The following EEA1 variants were observed in gnomAD, a reference collection of about 807,000 sequenced individuals.
EEA1 encodes the protein early endosome antigen 1, 162kD.
A neutral mutation model predicts 209.2 loss-of-function variants in EEA1; 111 were observed. The observed-to-expected ratio is 0.53, with a 90% CI of 0.45 to 0.62. The LOEUF is 0.62. EEA1 is among the 20% of genes least tolerant of loss of function. The probability of loss-of-function intolerance (pLI) is 0.00; values close to 1 mark genes in which losing one functional copy is unlikely to be tolerated. For synonymous variants in EEA1, 536 were observed against 540.6 expected, an observed-to-expected ratio of 0.99 and a Z score of 0.12; for missense variants, 1,343 against 1,530.8, an observed-to-expected ratio of 0.88 and a Z score of 2.05.
intron 2 of EEA1, among the ~76,000 whole-genome samples, chr12:92,869,545 A>G (rs1878538953): frequency 6.6e-6 from 1 of 151,430 alleles, no homozygotes; most frequent in South Asian, 2.1e-4. Flanking sequence ...GGAGTTCTAG[A>G]CTACCCTAGC....
Position 92,887,179 on chromosome 12 carries a change from A to G in EEA1, c.117+4450T>C, listed in dbSNP as rs187070458. 5.3e-4 allele frequency among the ~76,000 whole-genome samples: 81 copies of G among 152,146 alleles called. 1 individual carries two copies. Among genetic ancestry groups the G allele is most frequent in the African/African-American group, 1.8e-3 (76 of 41,518 alleles). On this transcript the variant is annotated intron_variant, in intron 2 of 28. Coordinates refer to ENST00000322349, the MANE Select transcript of EEA1 (RefSeq NM_003566.4). ...TTTTTAATCCAAAATGAAAAACAAAAAAAAAGGATATAAAATATAAAACAG... is the reference window on the plus strand; with the variant it reads ...TTTTTAATCCAAAATGAAAAACAAAGAAAAAGGATATAAAATATAAAACAG...
rs116679364 is a variant in EEA1, at chr12:92,880,418, C to T, written c.117+11211G>A. 3.6e-3 allele frequency among the ~76,000 whole-genome samples: 550 copies of T among 152,302 alleles called. 2 individuals carry two copies. The highest frequency in any genetic ancestry group is 0.013 in the African/African-American group (528 of 41,570). On this transcript the variant is annotated intron_variant, in intron 2 of 28. Transcript: ENST00000322349. ...CTCACAGGAGCAAGCGATTCTCCTG[C>T]CTCAACCTTTCAAGTAGCTGGGATT...
intron 10 of EEA1, among the ~76,000 whole-genome samples, chr12:92,835,124 G>T (rs865880494): frequency 6.6e-6 from 1 of 151,712 alleles, no homozygotes; most frequent in African/African-American, 2.4e-5. Flanking sequence ...CTCATGATCC[G>T]CCCACCTCGG....
intron 2 of EEA1, among the ~76,000 whole-genome samples, chr12:92,889,132 A>C (rs1162260084): frequency 6.6e-6 from 1 of 151,968 alleles, no homozygotes; most frequent in Non-Finnish European, 1.5e-5. Flanking sequence ...AAGGCAACAA[A>C]GCAAGACTCT....
At chr12:92,786,604 T>G (rs962660469) in intron 22 of EEA1, among the ~76,000 whole-genome samples, 1 of 152,136 alleles carries the variant, frequency 6.6e-6, no homozygotes, top group African/African-American at 2.4e-5. Flanking sequence ...TTTCATCCTC[T>G]TTAATGTTCA....
chr12:92,866,000 C>T (rs572778875), intron 2 of EEA1, among the ~76,000 whole-genome samples: 3 of 151,618 alleles, frequency 2.0e-5, no homozygotes, highest in South Asian at 2.1e-4. Flanking sequence ...CCACCCGCCT[C>T]GGCCTCCCAA....
intron 21 of EEA1, among the ~76,000 whole-genome samples, chr12:92,789,316 A>G (rs1255514400): frequency 6.6e-6 from 1 of 151,186 alleles, no homozygotes; most frequent in Admixed American, 6.6e-5. Flanking sequence ...AAGAAAAGAA[A>G]AAGAGAAAGA....
intron 18 of EEA1, among the ~76,000 whole-genome samples, chr12:92,808,167 G>A (rs1383051593): frequency 2.6e-5 from 4 of 151,958 alleles, no homozygotes; most frequent in Non-Finnish European, 5.9e-5. Context: ...CCATGATACT[G>A]GTGTCAGGAT....
At chr12:92,785,205 CAA>C (rs2136653064) in intron 22 of EEA1, among the ~76,000 whole-genome samples, 2 of 152,204 alleles carry the variant, frequency 1.3e-5, no homozygotes, top group African/African-American at 4.8e-5. Context: ...TCCTGGACAA[CAA>C]AGAGTGGTGT....
chr12:92,872,176 G>A (rs1878685012), intron 2 of EEA1, among the ~76,000 whole-genome samples: 1 of 151,720 alleles, frequency 6.6e-6, no homozygotes, highest in African/African-American at 2.4e-5. Flanking sequence ...GGCCTCCTGA[G>A]TAGCTGAGAC....
At chr12:92,802,831 A>C in intron 18 of EEA1, 97 bp from the exon 19 acceptor site, 1 of 986,656 alleles carries the variant, frequency 1.0e-6, no homozygotes, top group Non-Finnish European at 1.4e-6. Flanking sequence ...GAGTTCTGAA[A>C]CTTTTTTGTA....
Position 92,864,626 on chromosome 12 carries a change from A to G in EEA1, c.245+234T>C, listed in dbSNP as rs552897398. ...TTTAATCTTCTTTTGCTAACTCACA[A>G]TCTTCATTAAAAACATAACCTATGT... On this transcript the variant is annotated intron_variant, in intron 3 of 28. Coordinates refer to ENST00000322349, the MANE Select transcript of EEA1 (RefSeq NM_003566.4). Among the ~76,000 whole-genome samples the G allele has an allele frequency of 2.6e-4, 39 of 152,288 alleles. 2 individuals are homozygous for G. The highest frequency in any genetic ancestry group is 2.3e-3 in the Admixed American group (35 of 15,290).
chr12:92,899,709 T>C (rs1880071666), intron 1 of EEA1, among the ~76,000 whole-genome samples: 1 of 152,230 alleles, frequency 6.6e-6, no homozygotes, highest in Non-Finnish European at 1.5e-5. Flanking sequence ...CAAAAGGTGT[T>C]GGAAGAATTA....
intron 9 of EEA1, among the ~76,000 whole-genome samples, chr12:92,844,022 C>T (rs575137176): frequency 3.9e-5 from 6 of 152,102 alleles, no homozygotes; most frequent in Admixed American, 3.3e-4. Flanking sequence ...GGCTTTGATT[C>T]TAAGTTTTGG....
intron 9 of EEA1, 43 bp from the exon 10 acceptor site, chr12:92,842,624 G>A (rs780630153): frequency 1.6e-5 from 19 of 1,169,928 alleles, no homozygotes; most frequent in African/African-American, 7.9e-5. Context: ...AAACTAAATT[G>A]TCTAAAAGAT....
chr12:92,793,830 A>T (rs966824245), intron 21 of EEA1, among the ~76,000 whole-genome samples: 1 of 152,006 alleles, frequency 6.6e-6, no homozygotes, highest in African/African-American at 2.4e-5. Flanking sequence ...CAAGGACTTC[A>T]TGACTAAAAC....
chr12:92,795,668 A>G (rs1429502598), intron 21 of EEA1, among the ~76,000 whole-genome samples: 2 of 152,226 alleles, frequency 1.3e-5, no homozygotes, highest in African/African-American at 4.8e-5. Flanking sequence ...CTAACTGCCT[A>G]TCGGGGAGCA....
intron 2 of EEA1, among the ~76,000 whole-genome samples, chr12:92,872,750 C>T (rs1878710628): frequency 6.6e-6 from 1 of 152,016 alleles, no homozygotes; most frequent in Admixed American, 6.5e-5. Flanking sequence ...GTCAGGAGTT[C>T]GAGACCAGTC....
At chr12:92,888,666 C>T (rs1244327938) in intron 2 of EEA1, among the ~76,000 whole-genome samples, 1 of 149,352 alleles carries the variant, frequency 6.7e-6, no homozygotes, top group African/African-American at 2.4e-5. Context: ...TAAACAACTA[C>T]ACTGGTAAAT....
Sources: gnomAD v4.1 joint callset for allele counts (sites outside exome capture counted in the v4.1 genomes callset) on GRCh38, gnomAD v4.1.1 for gene constraint, MANE v1.5 for transcripts, NCBI Gene and HGNC (gene_info 2026-07-23, HGNC 2026-07-21) for gene names.